Variants in EBF2 observed in about 807,000 individuals in gnomAD.
The protein encoded by EBF2 is EBF transcription factor 2, also known as transcription factor COE2.
A neutral mutation model predicts 72.8 loss-of-function variants in EBF2; 21 were observed. The observed-to-expected ratio is 0.29, with a 90% CI of 0.20 to 0.42. The LOEUF (loss-of-function observed/expected upper bound fraction) is 0.42, where lower values mean the gene tolerates loss of function less well. Ranked by LOEUF, EBF2 falls within the 10% of genes least tolerant of loss-of-function variation. The pLI, the probability that EBF2 is intolerant of heterozygous loss-of-function variation, is 1.00. For synonymous variants in EBF2, 299 were observed against 274.2 expected (o/e 1.09, Z -0.89); for missense variants, 637 against 731.2 (o/e 0.87, Z 1.49).
At chr8:26,001,370 C>A (rs1354262076) in intron 6 of EBF2, among the ~76,000 whole-genome samples, 1 of 152,174 alleles carries the variant, frequency 6.6e-6, no homozygotes, top group Non-Finnish European at 1.5e-5. Context: ...TAAATGGATA[C>A]TTGGAAGAGA....
intron 6 of EBF2, among the ~76,000 whole-genome samples, chr8:25,925,259 A>T (rs1585197327): frequency 6.6e-6 from 1 of 152,074 alleles, no homozygotes; most frequent in Admixed American, 6.6e-5. Context: ...TACTCATGAC[A>T]TATTTTATCC....
chr8:25,892,653 C>A (rs1802804626), intron 7 of EBF2, among the ~76,000 whole-genome samples: 1 of 152,112 alleles, frequency 6.6e-6, no homozygotes, highest in Non-Finnish European at 1.5e-5. Flanking sequence ...ATCCCTAAAA[C>A]CCATGAGTCC....
chr8:25,914,543 G>T (rs1803179655), intron 6 of EBF2, among the ~76,000 whole-genome samples: 1 of 152,198 alleles, frequency 6.6e-6, no homozygotes, highest in East Asian at 1.9e-4. Flanking sequence ...ACTCCAGGAG[G>T]TCAAGCTCCC....
At chr8:25,937,982 A>AG (rs1225964589) in intron 6 of EBF2, among the ~76,000 whole-genome samples, 2 of 152,192 alleles carry the variant, frequency 1.3e-5, no homozygotes, top group African/African-American at 2.4e-5. Context: ...GAAAAGAAAG[A>AG]GAAAAAAAGG....
chr8:25,874,245 T>C (rs1299810392), intron 10 of EBF2, among the ~76,000 whole-genome samples: 2 of 152,150 alleles, frequency 1.3e-5, no homozygotes, highest in African/African-American at 2.4e-5. Context: ...CAGCACAGCT[T>C]TATGAAGGCA....
In EBF2 at chr8:25,920,291, A is replaced by G. The variant is rs182637072; in HGVS notation, c.552-11736T>C. On this transcript the variant is annotated intron_variant, in intron 6 of 15. Coordinates refer to ENST00000520164, the MANE Select transcript of EBF2 (RefSeq NM_022659.4). ...AGGCCTGGTTTCTCTGTAGTCAGGA[A>G]CATGTGCACGTCTGTTTTTATAAAG... Among the ~76,000 whole-genome samples the G allele has an allele frequency of 5.7e-3, 869 of 152,310 alleles. 14 individuals carry two copies. The highest frequency in any genetic ancestry group is 5.5e-3 in the Non-Finnish European group (376 of 68,028).
chr8:25,983,039 C>T (rs891435237), intron 6 of EBF2, among the ~76,000 whole-genome samples: 2 of 152,052 alleles, frequency 1.3e-5, no homozygotes. Context: ...CTACAAATCA[C>T]TTAGCTAACC....
intron 10 of EBF2, among the ~76,000 whole-genome samples, chr8:25,864,662 T>C (rs971709483): frequency 4.6e-5 from 7 of 152,330 alleles, no homozygotes; most frequent in African/African-American, 1.7e-4. Context: ...TTGAATGGTT[T>C]CTATACATAT....
chr8:25,963,304 C>A (rs898479785), intron 6 of EBF2, among the ~76,000 whole-genome samples: 5 of 152,146 alleles, frequency 3.3e-5, no homozygotes, highest in African/African-American at 1.2e-4. Context: ...TCCCTGATAC[C>A]AGACAGCCCC....
At chr8:25,876,061 T>C (rs1273184703) in intron 10 of EBF2, among the ~76,000 whole-genome samples, 1 of 152,164 alleles carries the variant, frequency 6.6e-6, no homozygotes, top group Admixed American at 6.5e-5. Context: ...ATATATACAC[T>C]GTGGAATACT....
At chr8:25,945,291 C>T (rs1054654289) in intron 6 of EBF2, among the ~76,000 whole-genome samples, 1 of 152,096 alleles carries the variant, frequency 6.6e-6, no homozygotes, top group Admixed American at 6.6e-5. Flanking sequence ...CTATATCTCC[C>T]CCATTCTATA....
intron 7 of EBF2, among the ~76,000 whole-genome samples, chr8:25,904,466 A>G (rs4872377): frequency 0.36 from 54,599 of 151,762 alleles, 11,784 homozygotes; most frequent in East Asian, 0.62. Context: ...AGAGTTTTAT[A>G]GAGTTCAGGA....
intron 6 of EBF2, among the ~76,000 whole-genome samples, chr8:25,962,110 C>T (rs769435152): frequency 2.0e-5 from 3 of 152,088 alleles, no homozygotes; most frequent in African/African-American, 2.4e-5. Flanking sequence ...GCCACGTACA[C>T]GTCTTACTTG....
intron 6 of EBF2, among the ~76,000 whole-genome samples, chr8:25,925,580 C>T (rs779564275): frequency 3.3e-5 from 5 of 152,228 alleles, no homozygotes; most frequent in African/African-American, 9.6e-5. Flanking sequence ...CATGAATGCA[C>T]TTCGGCTGCC....
At chr8:25,970,502 A>G (rs1310603078) in intron 6 of EBF2, among the ~76,000 whole-genome samples, 1 of 152,146 alleles carries the variant, frequency 6.6e-6, no homozygotes, top group Non-Finnish European at 1.5e-5. Context: ...GATGGGTCTC[A>G]GTCCCTCCCC....
intron 6 of EBF2, among the ~76,000 whole-genome samples, chr8:25,947,114 T>C (rs1384792556): frequency 2.0e-5 from 3 of 152,206 alleles, no homozygotes; most frequent in African/African-American, 7.2e-5. Flanking sequence ...TGATATGGTT[T>C]AGCTGTGTCT....
At chr8:25,993,217 G>A (rs1804573347) in intron 6 of EBF2, among the ~76,000 whole-genome samples, 2 of 152,184 alleles carry the variant, frequency 1.3e-5, no homozygotes, top group South Asian at 4.1e-4. Flanking sequence ...TGTCTGCACT[G>A]TCAACCACCT....
intron 6 of EBF2, among the ~76,000 whole-genome samples, chr8:25,992,666 G>T (rs1804563663): frequency 6.6e-6 from 1 of 152,074 alleles, no homozygotes; most frequent in Admixed American, 6.5e-5. Flanking sequence ...ACTTTCGGAG[G>T]CCAAGGCAGG....
chr8:25,844,619 G>T lies in EBF2; in HGVS notation c.1718C>A (p.Pro573His). Residue 573 changes from proline (P) to histidine (H), a missense_variant, in exon 16 of 16, where the codon CCC becomes CAC. Physicochemically the swap from Pro to His is moderately conservative, Grantham distance 77. Coordinates refer to ENST00000520164, the MANE Select transcript of EBF2 (RefSeq NM_022659.4). ...GFRAMTGLVV[P>H]PM Reference sequence around the variant, plus strand: ...GAAAGCAGTTCTTCTTTACATCGGGGGTACAACAAGTCCGGTCATGGCTGC... The same window carrying T: ...GAAAGCAGTTCTTCTTTACATCGGGTGTACAACAAGTCCGGTCATGGCTGC... 6.2e-7 allele frequency: 1 copy of T among 1,613,984 alleles called. No individual in the cohort carries two copies.
Sources: allele counts gnomAD v4.1 joint callset (sites outside exome capture counted in the v4.1 genomes callset), GRCh38; gene constraint gnomAD v4.1.1; transcripts MANE v1.5; gene names NCBI Gene and HGNC (gene_info 2026-07-23, HGNC 2026-07-21).